ZNF91: variants seen among roughly 807,000 people sequenced by gnomAD.
ZNF91 encodes zinc finger protein 91, also known as zinc finger protein 91 (HPF7, HTF10).
Under a neutral mutation model 12.6 loss-of-function variants are expected in ZNF91, and 7 were observed. That is an observed-to-expected ratio of 0.55 (90% CI 0.31 to 1.04). The LOEUF (loss-of-function observed/expected upper bound fraction) is 1.04, where lower values mean the gene tolerates loss of function less well. ZNF91 is among the 50% of genes least tolerant of loss of function. The probability of loss-of-function intolerance (pLI) is 0.05; values close to 1 mark genes in which losing one functional copy is unlikely to be tolerated. For missense variants in ZNF91, 1,217 were observed against 1,385.4 expected (o/e 0.88, Z 1.93); for synonymous variants, 453 against 462.6 (o/e 0.98, Z 0.27).
rs1488609662 is a variant in ZNF91 at position 23,359,309 on chromosome 19, G to A, written c.*94C>T. The A allele has an allele frequency of 6.5e-5, 34 of 522,374 alleles. No individual in the cohort carries two copies. The highest frequency in any genetic ancestry group is 1.6e-4 in the Admixed American group (5 of 31,272). 32.4% of individuals were successfully genotyped at this position (522,374 alleles called of 1,614,324 possible). ...GTGATCTCGGCTCACTGCAAGCTCC[G>A]CCTCCCGGGTTCACGCCATTCTCCT... is the stretch of plus-strand genomic sequence containing the variant. On this transcript the variant is annotated 3_prime_UTR_variant, in exon 4 of 4. Transcript: ENST00000300619.
chr19:23,330,079 A>G (rs1462330589), intron 1 of ZNF91, among the ~76,000 whole-genome samples: 1 of 152,142 alleles, frequency 6.6e-6, no homozygotes, highest in Non-Finnish European at 1.5e-5. Flanking sequence ...TCATGCCTGT[A>G]ATCCCAGCAC....
intron 3 of ZNF91, among the ~76,000 whole-genome samples, chr19:23,373,346 T>TCATATATATATATA (rs1491403502): frequency 8.2e-5 from 7 of 85,802 alleles, no homozygotes; most frequent in South Asian, 7.2e-4. Flanking sequence ...TCATGTAATC[T>TCATATATATATATA]TATATATATA....
chr19:23,384,767 G>A (rs1423279371), intron 1 of ZNF91: 9 of 639,734 alleles, frequency 1.4e-5, no homozygotes, highest in African/African-American at 1.3e-4. Flanking sequence ...CAGCTCCCCG[G>A]GCATAGTAAG....
At chr19:23,366,800 C>A (rs1426580610) in intron 3 of ZNF91, among the ~76,000 whole-genome samples, 4 of 152,204 alleles carry the variant, frequency 2.6e-5, no homozygotes, top group African/African-American at 4.8e-5. Flanking sequence ...ACCCAAACAC[C>A]TCCTACCAGG....
At chr19:23,389,053 A>T (rs1969972861) in intron 1 of ZNF91, among the ~76,000 whole-genome samples, 1 of 152,128 alleles carries the variant, frequency 6.6e-6, no homozygotes, top group Non-Finnish European at 1.5e-5. Context: ...TTGGTGCTAT[A>T]CTTAGTACCT....
At chr19:23,345,200 G>A (rs1325631504) in intron 3 of ZNF91, among the ~76,000 whole-genome samples, 1 of 152,106 alleles carries the variant, frequency 6.6e-6, no homozygotes. Flanking sequence ...TCTCCCTCCA[G>A]CTTCCCAGGA....
At chr19:23,362,756 A>C in intron 3 of ZNF91, 31 bp from the exon 4 acceptor site, 1 of 1,406,614 alleles carries the variant, frequency 7.1e-7, no homozygotes. Flanking sequence ...ATAATAAATT[A>C]CTCCACTCAC....
chr19:23,328,007 C>A (rs894558541), intron 1 of ZNF91: 2 of 152,206 alleles, frequency 1.3e-5, no homozygotes, highest in South Asian at 4.1e-4. Context: ...TCGGACTTAG[C>A]CTCCTTTTAG....
intron 3 of ZNF91, among the ~76,000 whole-genome samples, chr19:23,369,876 G>A (rs1431158251): frequency 2.7e-5 from 4 of 150,470 alleles, no homozygotes; most frequent in Admixed American, 2.0e-4. Flanking sequence ...GCGGAAGGCC[G>A]CAGGGTCCTC....
chr19:23,313,222 G>A (rs1386274056), upstream of ZNF91, among the ~76,000 whole-genome samples: 2 of 152,246 alleles, frequency 1.3e-5, no homozygotes, highest in African/African-American at 4.8e-5. Context: ...CAGCACCTGA[G>A]TGATTTGACC....
At position 23,360,369 on chromosome 19, in the gene ZNF91, C is replaced by T. The variant is rs374487423; in HGVS notation, c.2610G>A (p.Thr870=). 5.6e-5 allele frequency: 90 copies of T among 1,607,728 alleles called. No homozygotes were observed. The African/African-American group carries it at 7.1e-4, about 13-fold the overall frequency. The change falls in exon 4 of 4, where the codon ACG becomes ACA. Residue 870 remains threonine, a synonymous_variant. Coordinates refer to ENST00000300619, the MANE Select transcript of ZNF91 (RefSeq NM_003430.4). ...CTTTAGTATGAATTATCTTATGTGT[C>T]GTAAGATTTGAAGATTGATTAAAAG... ...GKAFNQSSNL[T]THKIIHTKEK...
At chr19:23,388,063 T>C (rs909496656) in intron 1 of ZNF91, among the ~76,000 whole-genome samples, 15 of 149,850 alleles carry the variant, frequency 1.0e-4, no homozygotes, top group African/African-American at 2.5e-4. Flanking sequence ...CTGGTCAACA[T>C]GGTGAAACCC....
intron 3 of ZNF91, among the ~76,000 whole-genome samples, chr19:23,347,087 C>T (rs910710060): frequency 2.6e-5 from 4 of 151,696 alleles, no homozygotes; most frequent in African/African-American, 4.9e-5. Context: ...TCAAGGATGC[C>T]GGCATGCTGG....
chr19:23,385,076 A>G, intron 1 of ZNF91: 1 of 1,007,360 alleles, frequency 9.9e-7, no homozygotes, highest in Non-Finnish European at 1.6e-6. Flanking sequence ...CAGTCCAGAC[A>G]GGGCAGGGAC....
At chr19:23,306,288 T>C (rs767538783) in intron 3 of ZNF91, among the ~76,000 whole-genome samples, 11 of 152,240 alleles carry the variant, frequency 7.2e-5, no homozygotes, top group Non-Finnish European at 1.3e-4. Context: ...AATCTCATTA[T>C]TGGACCTTCC....
chr19:23,361,132 G>A lies in ZNF91; in HGVS notation c.1847C>T (p.Thr616Ile), dbSNP rs1420418814. ...ECGKAFLWSSTLRRHKRIHTG... is the reference protein window; with the variant it reads ...ECGKAFLWSSILRRHKRIHTG... ...GTGTATCCTCTTATGTCTTCTTAGG[G>A]TTGAGGACCATAGAAATGCTTTGCC... Residue 616 changes from threonine to isoleucine, a missense_variant, in exon 4 of 4, where the codon ACC (threonine) becomes ATC (isoleucine). Physicochemically the swap from Thr to Ile is moderately conservative, Grantham distance 89. Around this residue, in one of 2 missense-constraint regions of ZNF91, gnomAD observed 726 missense variants for 895.5 expected, o/e 0.81. Transcript: ENST00000300619. 1.2e-6 allele frequency: 2 copies of A among 1,612,292 alleles called. No individual in the cohort carries two copies. The highest frequency in any genetic ancestry group is 2.2e-5 in the East Asian group (1 of 44,684).
Position 23,360,946 on chromosome 19 carries a change from A to C in ZNF91, c.2033T>G (p.Ile678Arg). The C allele has an allele frequency of 1.2e-6, 2 of 1,612,818 alleles. No individual in the cohort carries two copies. The highest frequency in any genetic ancestry group is 1.7e-6 in the Non-Finnish European group (2 of 1,179,628). The change falls in exon 4 of 4, where the codon ATA becomes AGA. Residue 678 changes from isoleucine (I) to arginine (R), a missense_variant. Around this residue, in one of 2 missense-constraint regions of ZNF91, gnomAD observed 726 missense variants for 895.5 expected, o/e 0.81. Transcript: ENST00000300619. Reference sequence around the variant, plus strand: ...GTAGGGTTTCTCTTCAGTATGAGTTATCTTATGATTAGCAAGGGTTGAGGA... The same window carrying C: ...GTAGGGTTTCTCTTCAGTATGAGTTCTCTTATGATTAGCAAGGGTTGAGGA... ...SNSSTLANHK[I>R]THTEEKPYKC...
At chr19:23,349,350 T>A (rs952154670) in intron 3 of ZNF91, among the ~76,000 whole-genome samples, 2 of 152,110 alleles carry the variant, frequency 1.3e-5, no homozygotes. Flanking sequence ...TTTCTCTCTT[T>A]ATACTCTTTC....
At chr19:23,388,046 G>T (rs1449531251) in intron 1 of ZNF91, among the ~76,000 whole-genome samples, 1 of 150,702 alleles carries the variant, frequency 6.6e-6, no homozygotes, top group East Asian at 2.0e-4. Flanking sequence ...AGGAGTTCCA[G>T]ACCAGCCTGG....
Sources: allele counts gnomAD v4.1 joint callset (sites outside exome capture counted in the v4.1 genomes callset), GRCh38; gene constraint gnomAD v4.1.1; regional missense constraint gnomAD v4.1.1; transcripts MANE v1.5; gene names NCBI Gene and HGNC (gene_info 2026-07-23, HGNC 2026-07-21).